MAPKAPK5: variants seen among roughly 807,000 people sequenced by gnomAD.
The protein encoded by MAPKAPK5 is MAPK activated protein kinase 5, also known as MAP kinase-activated protein kinase 5.
A neutral mutation model predicts 65.1 loss-of-function variants in MAPKAPK5; 30 were observed. That is an observed-to-expected ratio of 0.46 (90% CI 0.34 to 0.63). MAPKAPK5 has a LOEUF of 0.63. Among genes scored for constraint, MAPKAPK5 ranks in the 20% least tolerant of loss-of-function variants. The pLI is 0.01. For missense variants in MAPKAPK5, 433 were observed against 581.4 expected, an observed-to-expected ratio of 0.74 and a Z score of 2.63; for synonymous variants, 179 against 204.6, an observed-to-expected ratio of 0.87 and a Z score of 1.07.
chr12:111,857,327 C>T (rs996652170), intron 1 of MAPKAPK5, among the ~76,000 whole-genome samples: 2 of 151,450 alleles, frequency 1.3e-5, no homozygotes, highest in Non-Finnish European at 2.9e-5. Context: ...CTGCAACCTC[C>T]ACCTCCCGGG....
chr12:111,881,421 T>TTTTTTTTTTTTTTTTTTTTTA (rs2070219884), intron 8 of MAPKAPK5, among the ~76,000 whole-genome samples: 1 of 146,088 alleles, frequency 6.8e-6, no homozygotes. Flanking sequence ...TTTTTTTTTT[T>TTTTTTTTTTTTTTTTTTTTTA]TGAGACAGAG....
At chr12:111,856,400 T>TA (rs1279930316) in intron 1 of MAPKAPK5, among the ~76,000 whole-genome samples, 1 of 148,430 alleles carries the variant, frequency 6.7e-6, no homozygotes, top group Non-Finnish European at 1.5e-5. Flanking sequence ...CTCTTCTTTT[T>TA]TTTTCTTTCT....
At chr12:111,881,297 C>T (rs564671626) in intron 8 of MAPKAPK5, among the ~76,000 whole-genome samples, 2 of 152,150 alleles carry the variant, frequency 1.3e-5, no homozygotes, top group South Asian at 4.1e-4. Flanking sequence ...TGATCTCAAA[C>T]TCCTGACCTC....
At chr12:111,853,199 A>G (rs931758861) in intron 1 of MAPKAPK5, among the ~76,000 whole-genome samples, 14 of 151,716 alleles carry the variant, frequency 9.2e-5, no homozygotes, top group African/African-American at 2.9e-4. Flanking sequence ...CCCCCTCTCT[A>G]CTAAAAAAAA....
intron 1 of MAPKAPK5, among the ~76,000 whole-genome samples, chr12:111,855,839 G>A (rs371814330): frequency 2.0e-5 from 3 of 150,710 alleles, no homozygotes; most frequent in South Asian, 4.2e-4. Flanking sequence ...AAAAAAAAAT[G>A]CGTTGTTTAA....
At chr12:111,870,097 C>G (rs2069735609) in intron 5 of MAPKAPK5, among the ~76,000 whole-genome samples, 174 bp from the exon 6 acceptor site, 1 of 152,196 alleles carries the variant, frequency 6.6e-6, no homozygotes, top group Non-Finnish European at 1.5e-5. Flanking sequence ...TTAAACTAAG[C>G]TTAATCCATT....
At chr12:111,855,746 GA>G (rs2069213627) in intron 1 of MAPKAPK5, among the ~76,000 whole-genome samples, 1 of 151,694 alleles carries the variant, frequency 6.6e-6, no homozygotes, top group African/African-American at 2.4e-5. Context: ...AGAATCGCTT[GA>G]ACCTGGGAGG....
intron 7 of MAPKAPK5, among the ~76,000 whole-genome samples, chr12:111,879,091 A>G (rs1566262936): frequency 6.6e-6 from 1 of 152,170 alleles, no homozygotes; most frequent in South Asian, 2.1e-4. Flanking sequence ...TTTTAGAGCT[A>G]TCATTCAATG....
Position 111,862,381 on chromosome 12 carries a change from C to A in MAPKAPK5, c.37-2869C>A, listed in dbSNP as rs2136098208. On this transcript the variant is annotated intron_variant, in intron 1 of 13. Transcript: ENST00000550735. ...CTACAAGTTGAACTTTCTTGGCTGT[C>A]CATCAGGTAGAGTACTAACTTAGTA... 1.3e-5 allele frequency among the ~76,000 whole-genome samples: 2 copies of A among 152,250 alleles called. 1 individual carries two copies. Among genetic ancestry groups the A allele is most frequent in the Middle Eastern group, 6.8e-3 (2 of 294 alleles).
At chr12:111,861,236 G>C (rs1206894216) in intron 1 of MAPKAPK5, among the ~76,000 whole-genome samples, 1 of 152,144 alleles carries the variant, frequency 6.6e-6, no homozygotes, top group Non-Finnish European at 1.5e-5. Flanking sequence ...AGAGATAAAG[G>C]TAAGAATAGA....
At chr12:111,863,423 A>G (rs1411528669) in intron 1 of MAPKAPK5, among the ~76,000 whole-genome samples, 1 of 152,162 alleles carries the variant, frequency 6.6e-6, no homozygotes, top group African/African-American at 2.4e-5. Flanking sequence ...CAAGCCTGGC[A>G]CATTCACTGG....
chr12:111,878,882 TC>T, intron 7 of MAPKAPK5, among the ~76,000 whole-genome samples: 1 of 152,238 alleles, frequency 6.6e-6, no homozygotes, highest in East Asian at 1.9e-4. Flanking sequence ...TCTTTATCTA[TC>T]TTTACCCCAA....
At chr12:111,875,699 G>A (rs1272547397) in intron 7 of MAPKAPK5, among the ~76,000 whole-genome samples, 2 of 152,104 alleles carry the variant, frequency 1.3e-5, no homozygotes, top group Non-Finnish European at 2.9e-5. Context: ...GGCTCCTAGA[G>A]GGTCTGTACT....
intron 1 of MAPKAPK5, among the ~76,000 whole-genome samples, chr12:111,851,524 C>G (rs1181059033): frequency 2.0e-5 from 3 of 151,044 alleles, no homozygotes; most frequent in African/African-American, 7.3e-5. Context: ...TGAGGTTTCA[C>G]CATTTTGCCC....
At chr12:111,874,439 A>AATACTAGT (rs1198703342) in intron 7 of MAPKAPK5, among the ~76,000 whole-genome samples, 1 of 151,384 alleles carries the variant, frequency 6.6e-6, no homozygotes, top group Non-Finnish European at 1.5e-5. Flanking sequence ...AGTTTATAGA[A>AATACTAGT]ATACTAGTGT....
At chr12:111,846,748 C>T (rs1294980215) in intron 1 of MAPKAPK5, among the ~76,000 whole-genome samples, 2 of 152,054 alleles carry the variant, frequency 1.3e-5, no homozygotes, top group Non-Finnish European at 2.9e-5. Flanking sequence ...CCACCCTCCT[C>T]GGCCTCCCAA....
At chr12:111,875,293 T>C (rs2069925205) in intron 7 of MAPKAPK5, among the ~76,000 whole-genome samples, 1 of 151,954 alleles carries the variant, frequency 6.6e-6, no homozygotes, top group Admixed American at 6.6e-5. Flanking sequence ...TGAGTGTGAG[T>C]TTTGTTGTTG....
chr12:111,871,169 G>A lies in MAPKAPK5; in HGVS notation c.568G>A (p.Val190Ile). 1.9e-6 allele frequency: 3 copies of A among 1,613,412 alleles called. No individual in the cohort carries two copies. Among genetic ancestry groups the A allele is most frequent in the Non-Finnish European group, 2.5e-6 (3 of 1,179,690 alleles). The change falls in exon 7 of 14, where the codon GTA becomes ATA. Residue 190 changes from valine (V) to isoleucine (I), a missense_variant. Physicochemically the swap from Val to Ile is conservative, Grantham distance 29. Around this residue, in one of 3 missense-constraint regions of MAPKAPK5, gnomAD observed 99 missense variants for 185.8 expected, o/e 0.53. Transcript: ENST00000550735. ...GACACCCCAGTTCACCCCTTATTAT[G>A]TAGCACCCCAGGTAAGCATGTGCGG... ...LMTPQFTPYY[V>I]APQVLEAQRR...
chr12:111,887,957 T>G (rs1362050399), intron 10 of MAPKAPK5: 1 of 159,392 alleles, frequency 6.3e-6, no homozygotes, highest in Non-Finnish European at 1.4e-5. Flanking sequence ...GTAGTGAGAT[T>G]ATACACTGTT....
Sources: allele counts gnomAD v4.1 joint callset (sites outside exome capture counted in the v4.1 genomes callset), GRCh38; gene constraint gnomAD v4.1.1; regional missense constraint gnomAD v4.1.1; transcripts MANE v1.5; gene names NCBI Gene and HGNC (gene_info 2026-07-23, HGNC 2026-07-21).